PLAC1: variants seen among roughly 807,000 people sequenced by gnomAD.
The protein encoded by PLAC1 is placenta-specific protein 1.
For synonymous variants in PLAC1, 68 were observed against 62.1 expected (o/e 1.09, Z -0.44); for missense variants, 136 against 163.2 (o/e 0.83, Z 0.91).
chrX:134,661,319 C>T (rs1261211218), upstream of PLAC1, among the ~76,000 whole-genome samples: 2 of 111,764 alleles, frequency 1.8e-5, no homozygotes, highest in African/African-American at 6.5e-5. Context: ...ATGTCTCTCT[C>T]GCGTTCTGCT....
At chrX:134,634,709 T>C (rs940534219) in intron 1 of PLAC1, among the ~76,000 whole-genome samples, 26 of 112,578 alleles carry the variant, frequency 2.3e-4, no homozygotes, top group African/African-American at 8.4e-4. Flanking sequence ...CTACTCCTTT[T>C]CATGGTTAAA....
At chrX:134,685,762 T>C (rs529240984) in intron 2 of PLAC1, among the ~76,000 whole-genome samples, 1 of 111,771 alleles carries the variant, frequency 8.9e-6, no homozygotes, top group African/African-American at 3.2e-5. Flanking sequence ...TGTTCCCTTA[T>C]TGGGGCTTGT....
chrX:134,763,035 CAG>C (rs1394109274), intron 1 of PLAC1, among the ~76,000 whole-genome samples: 1 of 110,203 alleles, frequency 9.1e-6, no homozygotes, highest in East Asian at 2.9e-4. Flanking sequence ...AAAACAATAA[CAG>C]AAATTAAACC....
At chrX:134,623,089 C>G (rs973384159) in intron 1 of PLAC1, among the ~76,000 whole-genome samples, 2 of 112,337 alleles carry the variant, frequency 1.8e-5, no homozygotes, top group African/African-American at 6.5e-5. Context: ...CTGTTAAATC[C>G]TCTGCAATGG....
At chrX:134,592,741 T>C (rs1602813353) in intron 2 of PLAC1, among the ~76,000 whole-genome samples, 1 of 74,817 alleles carries the variant, frequency 1.3e-5, no homozygotes, top group South Asian at 6.3e-4. Context: ...TTTTTTTTTT[T>C]GAGACAGAGT....
intron 2 of PLAC1, among the ~76,000 whole-genome samples, chrX:134,585,216 C>T (rs1356914633): frequency 5.9e-5 from 6 of 102,279 alleles, no homozygotes; most frequent in African/African-American, 2.1e-4. Context: ...CATGGTGGCA[C>T]GCGCCTGTAG....
chrX:134,763,626 G>A (rs1357349393), intron 1 of PLAC1, among the ~76,000 whole-genome samples: 1 of 110,699 alleles, frequency 9.0e-6, no homozygotes, highest in Non-Finnish European at 1.9e-5. Context: ...TTCGAGACCA[G>A]CCTGGCTAAC....
At chrX:134,751,548 C>A (rs1184645751) in intron 1 of PLAC1, among the ~76,000 whole-genome samples, 3 of 111,862 alleles carry the variant, frequency 2.7e-5, no homozygotes, top group Non-Finnish European at 3.8e-5. Context: ...CCACTAAAGA[C>A]TTTTGGGGCA....
intron 1 of PLAC1, among the ~76,000 whole-genome samples, chrX:134,611,273 T>C (rs1440198906): frequency 9.0e-6 from 1 of 110,974 alleles, no homozygotes; most frequent in Admixed American, 9.7e-5. Flanking sequence ...GAAAGGACAT[T>C]ACAAAGAATG....
chrX:134,598,946 A>T (rs1456933626), intron 2 of PLAC1, among the ~76,000 whole-genome samples: 3 of 111,516 alleles, frequency 2.7e-5, no homozygotes, highest in African/African-American at 9.8e-5. Flanking sequence ...ATACTAGAAA[A>T]ACCCATCTTT....
chrX:134,738,869 AT>A (rs1018759269), intron 1 of PLAC1, among the ~76,000 whole-genome samples: 9 of 112,443 alleles, frequency 8.0e-5, no homozygotes, highest in Non-Finnish European at 1.3e-4. Context: ...TTTAGACACA[AT>A]TGTCCCTCAG....
At chrX:134,626,729 A>T (rs755404363) in intron 1 of PLAC1, among the ~76,000 whole-genome samples, 1 of 112,314 alleles carries the variant, frequency 8.9e-6, no homozygotes, top group Non-Finnish European at 1.9e-5. Flanking sequence ...GGGACAGACC[A>T]TTATACTTCA....
chrX:134,633,255 T>C (rs113524384), intron 1 of PLAC1, among the ~76,000 whole-genome samples: 40 of 111,816 alleles, frequency 3.6e-4, no homozygotes, highest in African/African-American at 1.3e-3. Flanking sequence ...GCATGATCAA[T>C]GGTTTTGCTG....
chrX:134,616,563 G>A (rs1342846594), intron 1 of PLAC1, among the ~76,000 whole-genome samples: 2 of 109,406 alleles, frequency 1.8e-5, no homozygotes, highest in Non-Finnish European at 3.8e-5. Context: ...GTGAACCCGG[G>A]AGGCAGAGCT....
At chrX:134,616,019 A>C (rs1261862047) in intron 1 of PLAC1, among the ~76,000 whole-genome samples, 1 of 110,174 alleles carries the variant, frequency 9.1e-6, no homozygotes, top group Admixed American at 9.7e-5. Flanking sequence ...CTTGCTCATC[A>C]CTCAGGCTAG....
At chrX:134,717,704 G>A (rs2078647343) in intron 2 of PLAC1, among the ~76,000 whole-genome samples, 1 of 112,116 alleles carries the variant, frequency 8.9e-6, no homozygotes, top group Non-Finnish European at 1.9e-5. Flanking sequence ...GTTGGAAATA[G>A]CATTCTGATT....
intron 1 of PLAC1, among the ~76,000 whole-genome samples, chrX:134,747,718 A>G (rs947931160): frequency 4.5e-5 from 5 of 111,723 alleles, no homozygotes; most frequent in Admixed American, 9.5e-5. Flanking sequence ...AGGCATTCAT[A>G]ATGATGATAA....
intron 2 of PLAC1, among the ~76,000 whole-genome samples, chrX:134,730,697 C>G (rs768675559): frequency 7.2e-5 from 8 of 111,500 alleles, no homozygotes; most frequent in Non-Finnish European, 5.6e-5. Flanking sequence ...AATCCTCCTG[C>G]CTCGGCCTCC....
chrX:134,574,430 A>G (rs183434030), intron 2 of PLAC1, among the ~76,000 whole-genome samples: 64 of 112,053 alleles, frequency 5.7e-4, no homozygotes, highest in Admixed American at 1.0e-3. Context: ...CTCCTTCTCT[A>G]GTCTACCAGT....
Sources: gnomAD v4.1 joint callset for allele counts (sites outside exome capture counted in the v4.1 genomes callset) on GRCh38, gnomAD v4.1.1 for gene constraint, MANE v1.5 for transcripts, NCBI Gene and HGNC (gene_info 2026-07-23, HGNC 2026-07-21) for gene names.